The following ROBO2 variants were observed in gnomAD, a reference collection of about 807,000 sequenced individuals.
ROBO2 encodes the protein roundabout guidance receptor 2.
In ROBO2, 53 loss-of-function variants were observed where a neutral mutation model predicts 160.8. The ratio of observed to expected loss-of-function variants is 0.33; its 90% CI spans 0.26 to 0.41. ROBO2 has a LOEUF of 0.41. Among genes scored for constraint, ROBO2 ranks in the 10% least tolerant of loss-of-function variants. The pLI, the probability that ROBO2 is intolerant of heterozygous loss-of-function variation, is 1.00. For missense variants in ROBO2, 1,577 were observed against 1,722.4 expected (o/e 0.92, Z 1.49); for synonymous variants, 664 against 611.7 (o/e 1.09, Z -1.26).
intron 2 of ROBO2, among the ~76,000 whole-genome samples, chr3:75,975,751 AG>A (rs2065118043): frequency 6.6e-6 from 1 of 151,624 alleles, no homozygotes; most frequent in African/African-American, 2.4e-5. Context: ...ATTAAATCCA[AG>A]ATTATGTGTG....
chr3:77,120,116 C>A (rs1210215425), intron 2 of ROBO2, among the ~76,000 whole-genome samples: 1 of 152,126 alleles, frequency 6.6e-6, no homozygotes, highest in East Asian at 1.9e-4. Context: ...TACTGAAATT[C>A]CATTTTGTTA....
chr3:76,731,038 G>A (rs531534350), intron 2 of ROBO2, among the ~76,000 whole-genome samples: 2 of 150,642 alleles, frequency 1.3e-5, no homozygotes, highest in South Asian at 2.1e-4. Flanking sequence ...CTCCCTACCC[G>A]CTTTTCTTCA....
intron 1 of ROBO2, among the ~76,000 whole-genome samples, chr3:75,937,050 C>T (rs1006836452): frequency 6.6e-6 from 1 of 152,066 alleles, no homozygotes; most frequent in African/African-American, 2.4e-5. Flanking sequence ...TTATGCTAAA[C>T]TTACATAAAT....
chr3:76,150,389 T>TTAAAGCACACATCTGTC (rs1559594465), intron 2 of ROBO2, among the ~76,000 whole-genome samples: 1 of 4,154 alleles, frequency 2.4e-4, no homozygotes, highest in Non-Finnish European at 5.5e-4. Context: ...GCACACCTTT[T>TTAAAGCACACATCTGTC]TAAAACACAC....
intron 2 of ROBO2, among the ~76,000 whole-genome samples, chr3:76,444,883 A>G (rs937769807): frequency 6.6e-6 from 1 of 152,200 alleles, no homozygotes; most frequent in Non-Finnish European, 1.5e-5. Flanking sequence ...TTTCCTACAC[A>G]TACAACATTT....
chr3:77,329,152 C>A (rs1425227500), intron 2 of ROBO2, among the ~76,000 whole-genome samples: 2 of 152,134 alleles, frequency 1.3e-5, no homozygotes, highest in Non-Finnish European at 2.9e-5. Flanking sequence ...TCGATGTAGT[C>A]TTTCTTTTGT....
intron 2 of ROBO2, among the ~76,000 whole-genome samples, chr3:77,135,879 A>G (rs1270033427): frequency 6.6e-6 from 1 of 152,226 alleles, no homozygotes; most frequent in Non-Finnish European, 1.5e-5. Context: ...AAACGAACAA[A>G]AAACAGGAAA....
At chr3:76,654,004 T>C (rs1420426889) in intron 2 of ROBO2, among the ~76,000 whole-genome samples, 1 of 152,196 alleles carries the variant, frequency 6.6e-6, no homozygotes, top group Admixed American at 6.5e-5. Flanking sequence ...AAAGTGATAC[T>C]GCTTAAGTAC....
intron 2 of ROBO2, among the ~76,000 whole-genome samples, chr3:76,573,557 C>G (rs1489477495): frequency 3.3e-5 from 5 of 150,662 alleles, no homozygotes. Context: ...GGATGTTAAC[C>G]AATCTTATAT....
intron 2 of ROBO2, among the ~76,000 whole-genome samples, chr3:76,254,001 A>G (rs992759222): frequency 2.6e-5 from 4 of 152,124 alleles, no homozygotes; most frequent in African/African-American, 9.7e-5. Flanking sequence ...ATATGCTATG[A>G]TAGCAATACA....
chr3:76,309,866 C>T (rs1464404731), intron 2 of ROBO2, among the ~76,000 whole-genome samples: 1 of 152,142 alleles, frequency 6.6e-6, no homozygotes, highest in Non-Finnish European at 1.5e-5. Context: ...CTCTATCGCC[C>T]AGGCTGGAGT....
intron 1 of ROBO2, among the ~76,000 whole-genome samples, chr3:77,049,937 T>C (rs1007095391): frequency 7.2e-5 from 11 of 152,216 alleles, no homozygotes; most frequent in African/African-American, 2.4e-4. Context: ...GAATTTTGAC[T>C]TTCCAAAAAA....
At chr3:76,035,278 C>T (rs551160398) in intron 2 of ROBO2, among the ~76,000 whole-genome samples, 9 of 150,998 alleles carry the variant, frequency 6.0e-5, no homozygotes, top group African/African-American at 1.7e-4. Flanking sequence ...TGAATTAATG[C>T]GCATATGCCA....
At chr3:77,206,719 A>G (rs1328209180) in intron 2 of ROBO2, among the ~76,000 whole-genome samples, 3 of 151,904 alleles carry the variant, frequency 2.0e-5, no homozygotes, top group Non-Finnish European at 4.4e-5. Flanking sequence ...CCTTTTTTGC[A>G]TGAAATTAAT....
chr3:76,656,359 A>G (rs1560316179), intron 2 of ROBO2, among the ~76,000 whole-genome samples: 1 of 152,160 alleles, frequency 6.6e-6, no homozygotes, highest in Non-Finnish European at 1.5e-5. Flanking sequence ...CTGTAATGCC[A>G]TCAGTACCAC....
intron 2 of ROBO2, among the ~76,000 whole-genome samples, chr3:76,538,151 T>TCACACA (rs3223397): frequency 0.072 from 10,529 of 146,256 alleles, 459 homozygotes; most frequent in African/African-American, 0.11. Context: ...CTGACAGAAC[T>TCACACA]CACACACACA....
intron 2 of ROBO2, among the ~76,000 whole-genome samples, chr3:76,629,163 C>T (rs552463744): frequency 6.6e-6 from 1 of 152,118 alleles, no homozygotes; most frequent in African/African-American, 2.4e-5. Context: ...CTCAATGACA[C>T]AAATGGTTCA....
intron 2 of ROBO2, among the ~76,000 whole-genome samples, chr3:76,174,191 C>A (rs2073142821): frequency 6.6e-6 from 1 of 152,022 alleles, no homozygotes; most frequent in Admixed American, 6.6e-5. Context: ...ATATCCTTTG[C>A]CTGCTTTTTG....
intron 2 of ROBO2, among the ~76,000 whole-genome samples, chr3:77,473,325 G>A (rs2083559259): frequency 6.6e-6 from 1 of 151,810 alleles, no homozygotes; most frequent in Non-Finnish European, 1.5e-5. Context: ...TGGAGCCTCC[G>A]TGTTGAATAG....
Sources: allele counts gnomAD v4.1 joint callset (sites outside exome capture counted in the v4.1 genomes callset), GRCh38; gene constraint gnomAD v4.1.1; transcripts MANE v1.5; gene names NCBI Gene and HGNC (gene_info 2026-07-23, HGNC 2026-07-21).